The following ZBTB38 variants were observed in gnomAD, a reference collection of about 807,000 sequenced individuals.
The protein encoded by ZBTB38 is zinc finger and BTB domain containing 38.
Under a neutral mutation model 76.8 loss-of-function variants are expected in ZBTB38, and 20 were observed. That is an observed-to-expected ratio of 0.26 (90% CI 0.18 to 0.38). The LOEUF (loss-of-function observed/expected upper bound fraction) is 0.38. Among genes scored for constraint, ZBTB38 ranks in the 10% least tolerant of loss-of-function variants. ZBTB38 has a pLI of 1.00. For synonymous variants in ZBTB38, 504 were observed against 544.2 expected, an observed-to-expected ratio of 0.93 and a Z score of 1.03; for missense variants, 1,082 against 1,482.3, an observed-to-expected ratio of 0.73 and a Z score of 4.43.
At chr3:141,333,920 G>T (rs1942929150) in intron 1 of ZBTB38, among the ~76,000 whole-genome samples, 1 of 152,104 alleles carries the variant, frequency 6.6e-6, no homozygotes, top group Non-Finnish European at 1.5e-5. Context: ...CAATTTTTCA[G>T]CTTTGACAAC....
upstream of ZBTB38, among the ~76,000 whole-genome samples, chr3:141,365,740 G>A (rs1398023789): frequency 6.6e-6 from 1 of 151,996 alleles, no homozygotes; most frequent in African/African-American, 2.4e-5. Context: ...GACAAATGAA[G>A]AATGATACCT....
chr3:141,327,643 A>G (rs1942713423), intron 1 of ZBTB38, among the ~76,000 whole-genome samples: 1 of 152,226 alleles, frequency 6.6e-6, no homozygotes. Flanking sequence ...AAAGGACACT[A>G]GTTAAAAACT....
chr3:141,330,429 G>A (rs973303987), intron 1 of ZBTB38, among the ~76,000 whole-genome samples: 4 of 152,330 alleles, frequency 2.6e-5, no homozygotes, highest in Admixed American at 2.0e-4. Context: ...GGGGATGTAC[G>A]GTGGCTGTCT....
chr3:141,400,404 T>C (rs1951562275), intron 4 of ZBTB38, among the ~76,000 whole-genome samples: 1 of 152,170 alleles, frequency 6.6e-6, no homozygotes, highest in Non-Finnish European at 1.5e-5. Context: ...GCTAAGCCTC[T>C]TAGGAAACCC....
In ZBTB38 at chr3:141,378,893, A is replaced by G. The variant is rs115044864; in HGVS notation, c.-234-2532A>G. Among the ~76,000 whole-genome samples, 559 of 152,322 alleles carry G rather than the reference A, an allele frequency of 3.7e-3. 2 individuals are homozygous for G. The highest frequency in any genetic ancestry group is 0.013 in the African/African-American group (541 of 41,564). On this transcript the variant is annotated intron_variant, in intron 2 of 5. Coordinates refer to ENST00000321464, the MANE Select transcript of ZBTB38 (RefSeq NM_001376113.1). ...TGGTCTCATGGTGAAAATCAAGGAC[A>G]AATCATCCTTCTCGCCCCTGTGCAG...
Position 141,435,395 on chromosome 3 carries a change from A to G in ZBTB38, c.1-6994A>G, listed in dbSNP as rs189139936. On this transcript the variant is annotated intron_variant, in intron 5 of 5. Transcript: ENST00000321464. ...GTATTTAAGTATAATATATGTCAGC[A>G]TATTTATATATTCATGCTTGTATTT... is the stretch of plus-strand genomic sequence containing the variant. 1.1e-3 allele frequency among the ~76,000 whole-genome samples: 167 copies of G among 152,340 alleles called. 6 individuals carry two copies. In the East Asian group the frequency reaches 0.028, roughly 25 times the overall value.
At chr3:141,386,571 T>A (rs1169728754) in intron 3 of ZBTB38, 7 of 152,264 alleles carry the variant, frequency 4.6e-5, no homozygotes, top group Non-Finnish European at 8.8e-5. Context: ...GGTTTTTTCT[T>A]AGCAATTCTA....
In ZBTB38 at chr3:141,446,556, C is replaced by T. The variant is rs1417265523; in HGVS notation, c.*580C>T. 1.3e-5 allele frequency: 2 copies of T among 152,714 alleles called. No homozygotes were observed. The highest frequency in any genetic ancestry group is 2.1e-4 in the South Asian group (1 of 4,834). The allele number at this position is 152,714 out of a possible 1,614,324, so 9.5% of individuals were successfully genotyped here. A position where few individuals can be genotyped will look rare whatever the true frequency, so the allele number is the denominator to read the frequency against. ...GACATTCATACATTATGTAGAACTACTTTTCTGCAACACAAACCTTGTAAA... is the reference window on the plus strand; with the variant it reads ...GACATTCATACATTATGTAGAACTATTTTTCTGCAACACAAACCTTGTAAA... On this transcript the variant is annotated 3_prime_UTR_variant, in exon 6 of 6. Coordinates refer to ENST00000321464, the MANE Select transcript of ZBTB38 (RefSeq NM_001376113.1).
chr3:141,449,121 G>A lies in ZBTB38; in HGVS notation c.*3145G>A, dbSNP rs2081315966. 1 of 152,186 alleles carries A rather than the reference G, an allele frequency of 6.6e-6. No individual in the cohort carries two copies. Among genetic ancestry groups the A allele is most frequent in the Non-Finnish European group, 1.5e-5 (1 of 68,034 alleles). The allele number at this position is 152,186 out of a possible 1,614,324, so 9.4% of individuals were successfully genotyped here. A position where few individuals can be genotyped will look rare whatever the true frequency, so the allele number is the denominator to read the frequency against. ...CTCGTTTTATAGTGACTTTGAGAAG[G>A]TCTCACAACCAGACAAAGCCAGGAT... On this transcript the variant is annotated 3_prime_UTR_variant, in exon 6 of 6. Coordinates refer to ENST00000321464, the MANE Select transcript of ZBTB38 (RefSeq NM_001376113.1).
At chr3:141,330,617 C>T (rs1459218190) in intron 1 of ZBTB38, among the ~76,000 whole-genome samples, 1 of 152,214 alleles carries the variant, frequency 6.6e-6, no homozygotes, top group Admixed American at 6.5e-5. Flanking sequence ...TGCCACCCTG[C>T]CCAAATGCAC....
At chr3:141,364,473 T>C (rs1256370600), upstream of ZBTB38, among the ~76,000 whole-genome samples, 2 of 147,508 alleles carry the variant, frequency 1.4e-5, 1 homozygote, top group South Asian at 4.3e-4. Flanking sequence ...AGGTCGGGAG[T>C]TCAAGACCAG....
At chr3:141,398,667 G>C (rs541164487) in intron 4 of ZBTB38, among the ~76,000 whole-genome samples, 7 of 151,646 alleles carry the variant, frequency 4.6e-5, no homozygotes, top group African/African-American at 1.7e-4. Context: ...CACTGTTCTT[G>C]TAACACTTCT....
chr3:141,419,687 G>C (rs556017332), intron 5 of ZBTB38, among the ~76,000 whole-genome samples: 1 of 152,214 alleles, frequency 6.6e-6, no homozygotes, highest in East Asian at 1.9e-4. Flanking sequence ...AAGGAGGGGT[G>C]TATGAAAGAG....
chr3:141,392,060 A>G (rs928741386), intron 4 of ZBTB38, among the ~76,000 whole-genome samples: 1 of 152,278 alleles, frequency 6.6e-6, no homozygotes, highest in East Asian at 1.9e-4. Context: ...GTTAGAAACT[A>G]TAAGGCTCTT....
intron 5 of ZBTB38, among the ~76,000 whole-genome samples, chr3:141,409,931 G>A (rs983130365): frequency 7.2e-5 from 11 of 152,212 alleles, no homozygotes; most frequent in African/African-American, 2.7e-4. Flanking sequence ...AGCCCCTGCA[G>A]GGCTGGGTTG....
chr3:141,437,981 G>C (rs2079175362), intron 5 of ZBTB38, among the ~76,000 whole-genome samples: 1 of 151,572 alleles, frequency 6.6e-6, no homozygotes, highest in Non-Finnish European at 1.5e-5. Flanking sequence ...GCGCAATCTT[G>C]GCTCACTGCA....
intron 5 of ZBTB38, among the ~76,000 whole-genome samples, chr3:141,408,889 A>G (rs1955621066): frequency 6.6e-6 from 1 of 152,196 alleles, no homozygotes; most frequent in African/African-American, 2.4e-5. Context: ...CACAGCTCCC[A>G]AGGAAAGAGG....
At chr3:141,340,996 G>GAAAGAAGA (rs1553760169) in intron 1 of ZBTB38, among the ~76,000 whole-genome samples, 1 of 91,898 alleles carries the variant, frequency 1.1e-5, no homozygotes, top group African/African-American at 3.8e-5. Flanking sequence ...GAAAGAGAAA[G>GAAAGAAGA]AAGAAAGAAA....
chr3:141,366,694 T>G (rs1302948582), upstream of ZBTB38: 3 of 152,096 alleles, frequency 2.0e-5, no homozygotes, highest in Non-Finnish European at 4.4e-5. Context: ...GGGAGAGTGG[T>G]CTCTGTGACC....
Sources: allele counts gnomAD v4.1 joint callset (sites outside exome capture counted in the v4.1 genomes callset), GRCh38; gene constraint gnomAD v4.1.1; transcripts MANE v1.5; gene names NCBI Gene and HGNC (gene_info 2026-07-23, HGNC 2026-07-21).